The following IPP variants were observed in gnomAD, a reference collection of about 807,000 sequenced individuals.
IPP encodes the protein actin-binding protein IPP.
Under a neutral mutation model 64.1 loss-of-function variants are expected in IPP, and 41 were observed. That is an observed-to-expected ratio of 0.64 (90% CI 0.50 to 0.83). The LOEUF (loss-of-function observed/expected upper bound fraction) is 0.83, where lower values mean the gene tolerates loss of function less well. Among genes scored for constraint, IPP ranks in the 40% least tolerant of loss-of-function variants. The pLI, the probability that IPP is intolerant of heterozygous loss-of-function variation, is 0.00. For synonymous variants in IPP, 214 were observed against 235.2 expected (o/e 0.91, Z 0.83); for missense variants, 649 against 703.0 (o/e 0.92, Z 0.87).
chr1:45,715,968 G>C (rs1305396594), intron 7 of IPP, among the ~76,000 whole-genome samples: 2 of 152,196 alleles, frequency 1.3e-5, no homozygotes. Flanking sequence ...ACTTTAGCAG[G>C]TTAGGCTGTC....
At chr1:45,745,843 C>G (rs997649228) in intron 2 of IPP, among the ~76,000 whole-genome samples, 2 of 151,738 alleles carry the variant, frequency 1.3e-5, no homozygotes, top group African/African-American at 4.8e-5. Flanking sequence ...CCAGCTTGGG[C>G]GACAGAGAGA....
chr1:45,700,942 C>G (rs1215171992), intron 8 of IPP, among the ~76,000 whole-genome samples: 1 of 152,134 alleles, frequency 6.6e-6, no homozygotes, highest in Admixed American at 6.5e-5. Flanking sequence ...CAGCATGGAA[C>G]ACCTGACAAA....
At chr1:45,721,043 A>C (rs141564331) in intron 5 of IPP, among the ~76,000 whole-genome samples, 184 of 152,340 alleles carry the variant, frequency 1.2e-3, no homozygotes, top group African/African-American at 4.2e-3. Context: ...TAAAGAGAAT[A>C]AAAGATGAAG....
intron 5 of IPP, among the ~76,000 whole-genome samples, chr1:45,719,950 C>G (rs2148561263): frequency 6.6e-6 from 1 of 152,254 alleles, no homozygotes; most frequent in Admixed American, 6.5e-5. Context: ...TCACAAGATC[C>G]TGACCTCGTG....
At chr1:45,708,404 C>T (rs1376041351) in intron 8 of IPP, among the ~76,000 whole-genome samples, 2 of 149,004 alleles carry the variant, frequency 1.3e-5, no homozygotes, top group Non-Finnish European at 3.0e-5. Context: ...TAGGGCCAGG[C>T]GCGGTGGCTC....
chr1:45,697,007 CAG>C (rs1188819266), downstream of IPP: 1 of 152,176 alleles, frequency 6.6e-6, no homozygotes, highest in Non-Finnish European at 1.5e-5. Context: ...TGTTTTGAAT[CAG>C]AATACAGATT....
At chr1:45,716,228 TATAGACC>T (rs1645657326) in intron 7 of IPP, among the ~76,000 whole-genome samples, 1 of 152,156 alleles carries the variant, frequency 6.6e-6, no homozygotes, top group African/African-American at 2.4e-5. Context: ...TAAAGAAGCC[TATAGACC>T]ATGAAAATAA....
chr1:45,713,713 T>C (rs185211239), intron 8 of IPP, among the ~76,000 whole-genome samples: 12 of 152,258 alleles, frequency 7.9e-5, no homozygotes, highest in Admixed American at 2.6e-4. Flanking sequence ...CACAGGTGCA[T>C]ACCACCATGC....
intron 7 of IPP, among the ~76,000 whole-genome samples, chr1:45,715,146 G>C (rs149228551): frequency 2.9e-5 from 4 of 139,494 alleles, no homozygotes; most frequent in Non-Finnish European, 6.0e-5. Context: ...AGTGAGCCAA[G>C]ATTGCACCAC....
chr1:45,708,003 T>C (rs907969595), intron 8 of IPP, among the ~76,000 whole-genome samples: 1 of 151,724 alleles, frequency 6.6e-6, no homozygotes, highest in African/African-American at 2.4e-5. Flanking sequence ...TACTGACTAC[T>C]TGTCAGAAAA....
At chr1:45,724,654 G>C (rs1398981610) in intron 5 of IPP, among the ~76,000 whole-genome samples, 1 of 150,262 alleles carries the variant, frequency 6.7e-6, no homozygotes, top group Non-Finnish European at 1.5e-5. Flanking sequence ...TGTGAGGAGC[G>C]CCTCTGCCGG....
chr1:45,738,998 C>T (rs976130335), intron 3 of IPP, among the ~76,000 whole-genome samples: 5 of 152,104 alleles, frequency 3.3e-5, no homozygotes, highest in African/African-American at 1.2e-4. Flanking sequence ...TCCGTGTTTG[C>T]AGCAGACTTA....
chr1:45,702,665 G>A (rs1645470888), intron 8 of IPP, among the ~76,000 whole-genome samples: 1 of 152,114 alleles, frequency 6.6e-6, no homozygotes, highest in Admixed American at 6.6e-5. Context: ...ATGTTGGCCA[G>A]GCTGGTCTTG....
At chr1:45,724,405 T>C (rs1361925590) in intron 5 of IPP, among the ~76,000 whole-genome samples, 4 of 151,834 alleles carry the variant, frequency 2.6e-5, no homozygotes, top group Non-Finnish European at 5.9e-5. Context: ...CGCCACCCCG[T>C]CTGGGAAGTG....
At position 45,719,123 on chromosome 1, in the gene IPP, A is replaced by G. The variant is rs1488040067; in HGVS notation, c.1186+80T>C. ...TCTCATGTGCCCCATAAATATATATACCTATTATGTATCCACAAAAATGAA... is the reference window on the plus strand; with the variant it reads ...TCTCATGTGCCCCATAAATATATATGCCTATTATGTATCCACAAAAATGAA... On this transcript the variant is annotated intron_variant, in intron 6 of 8. Transcript: ENST00000396478. The G allele has an allele frequency of 6.0e-6, 8 of 1,329,410 alleles. No individual in the cohort carries two copies. In the South Asian group the frequency reaches 9.8e-5, roughly 16 times the overall value. The allele number at this position is 1,329,410 out of a possible 1,614,324, so 82.4% of individuals were successfully genotyped here.
At chr1:45,715,620 G>A (rs191596649) in intron 7 of IPP, among the ~76,000 whole-genome samples, 27 of 150,734 alleles carry the variant, frequency 1.8e-4, no homozygotes, top group African/African-American at 4.9e-4. Context: ...CAGCCTGGGC[G>A]ACAGAGCGAG....
intron 1 of IPP, among the ~76,000 whole-genome samples, chr1:45,750,136 C>T (rs971806813): frequency 2.2e-4 from 34 of 152,266 alleles, no homozygotes; most frequent in African/African-American, 7.7e-4. Context: ...GAATTCACTG[C>T]TGGGAACATG....
chr1:45,709,356 C>T (rs1174674457), intron 8 of IPP, among the ~76,000 whole-genome samples: 1 of 143,748 alleles, frequency 7.0e-6, no homozygotes, highest in Non-Finnish European at 1.5e-5. Context: ...TGGTGTGAAC[C>T]CGGGAAGCAG....
chr1:45,748,617 A>G (rs1345025501), intron 1 of IPP, among the ~76,000 whole-genome samples: 1 of 152,176 alleles, frequency 6.6e-6, no homozygotes, highest in African/African-American at 2.4e-5. Context: ...GGCTGCAGTG[A>G]GCTGAGATGG....
Sources: allele counts gnomAD v4.1 joint callset (sites outside exome capture counted in the v4.1 genomes callset), GRCh38; gene constraint gnomAD v4.1.1; transcripts MANE v1.5; gene names NCBI Gene and HGNC (gene_info 2026-07-23, HGNC 2026-07-21).